NSMCE2: variants seen among roughly 807,000 people sequenced by gnomAD.
NSMCE2 encodes the protein NSE2 SUMO ligase component of SMC5/6 complex.
In NSMCE2, 24 loss-of-function variants were observed where a neutral mutation model predicts 23.8. The ratio of observed to expected loss-of-function variants is 1.01; its 90% CI spans 0.73 to 1.42. The LOEUF (loss-of-function observed/expected upper bound fraction) is 1.42. NSMCE2 is among the 40% of genes most tolerant of loss of function. The probability of loss-of-function intolerance (pLI) is 0.00; values close to 1 mark genes in which losing one functional copy is unlikely to be tolerated. For missense variants in NSMCE2, 284 were observed against 296.5 expected, an observed-to-expected ratio of 0.96 and a Z score of 0.31; for synonymous variants, 92 against 94.1, an observed-to-expected ratio of 0.98 and a Z score of 0.13.
intron 5 of NSMCE2, among the ~76,000 whole-genome samples, chr8:125,333,505 CTTTT>C (rs71295847): frequency 3.5e-4 from 16 of 45,628 alleles, no homozygotes; most frequent in East Asian, 1.5e-3. Flanking sequence ...CCTGGTGGTT[CTTTT>C]TTTTTTTTTT....
chr8:125,111,921 A>G (rs1434964142), intron 3 of NSMCE2, among the ~76,000 whole-genome samples: 2 of 152,138 alleles, frequency 1.3e-5, no homozygotes, highest in Non-Finnish European at 2.9e-5. Context: ...CTGTGTTGTG[A>G]TATATTTCTC....
chr8:125,346,111 C>T lies in NSMCE2; in HGVS notation c.419-11108C>T, dbSNP rs1440325213. Among the ~76,000 whole-genome samples the T allele has an allele frequency of 4.0e-5, 6 of 151,752 alleles. 1 individual carries two copies. The highest frequency in any genetic ancestry group is 2.6e-4 in the Admixed American group (4 of 15,250). On this transcript the variant is annotated intron_variant, in intron 5 of 7. Transcript: ENST00000287437. ...GGCAAAGGTTGCAGTGAGCCAAGAT[C>T]GCACCATTGCACTCCAGCCTGGGCT...
intron 5 of NSMCE2, among the ~76,000 whole-genome samples, chr8:125,276,808 T>C (rs1217046794): frequency 6.6e-6 from 1 of 152,242 alleles, no homozygotes; most frequent in Non-Finnish European, 1.5e-5. Context: ...ACTCTGCTAG[T>C]AAGTGGAAGA....
chr8:125,299,405 G>T (rs952257253), intron 5 of NSMCE2, among the ~76,000 whole-genome samples: 1 of 152,140 alleles, frequency 6.6e-6, no homozygotes, highest in African/African-American at 2.4e-5. Flanking sequence ...ATAGCAGAAG[G>T]TAAAGAGCAA....
chr8:125,150,674 G>A (rs1393786206), intron 3 of NSMCE2, among the ~76,000 whole-genome samples: 1 of 151,918 alleles, frequency 6.6e-6, no homozygotes, highest in African/African-American at 2.4e-5. Context: ...TAGTCACCAC[G>A]CCCGGCTGCT....
intron 5 of NSMCE2, among the ~76,000 whole-genome samples, chr8:125,340,107 C>T (rs1044884260): frequency 1.3e-5 from 2 of 150,364 alleles, no homozygotes; most frequent in Non-Finnish European, 3.0e-5. Flanking sequence ...CTCCGCCTCC[C>T]GGGTTCACGC....
chr8:125,100,752 G>C (rs948187402), intron 1 of NSMCE2, among the ~76,000 whole-genome samples: 2 of 152,022 alleles, frequency 1.3e-5, no homozygotes, highest in East Asian at 1.9e-4. Context: ...GTAGAGACAG[G>C]GTTTTGCCAT....
chr8:125,183,880 G>C (rs1054883267), intron 5 of NSMCE2, among the ~76,000 whole-genome samples: 2 of 151,712 alleles, frequency 1.3e-5, no homozygotes, highest in African/African-American at 2.4e-5. Context: ...TTTTTCAAAG[G>C]CATTCTCAGT....
intron 3 of NSMCE2, among the ~76,000 whole-genome samples, chr8:125,106,226 GACAA>G (rs1818451650): frequency 1.3e-5 from 2 of 152,112 alleles, no homozygotes; most frequent in Admixed American, 6.5e-5. Flanking sequence ...TTAGTGGGAA[GACAA>G]ACACATATTA....
chr8:125,109,174 G>A (rs1224939941), intron 3 of NSMCE2, among the ~76,000 whole-genome samples: 1 of 152,168 alleles, frequency 6.6e-6, no homozygotes, highest in Non-Finnish European at 1.5e-5. Flanking sequence ...ATAGATGATT[G>A]CTTGGGTTCT....
intron 3 of NSMCE2, among the ~76,000 whole-genome samples, chr8:125,132,709 A>G (rs1373412185): frequency 6.6e-6 from 1 of 152,078 alleles, no homozygotes; most frequent in Admixed American, 6.6e-5. Context: ...GGCCCAGGCT[A>G]GTCTTGAACT....
In NSMCE2 at chr8:125,102,341, G is replaced by C. The variant is rs140125530; in HGVS notation, c.11G>C (p.Arg4Pro). The C allele has an allele frequency of 6.2e-7, 1 of 1,613,296 alleles. No individual in the cohort carries two copies. The highest frequency in any genetic ancestry group is 1.3e-5 in the African/African-American group (1 of 75,020). The change falls in exon 3 of 8, where the codon CGT becomes CCT. Residue 4 changes from arginine to proline, a missense_variant. This residue lies in a region of NSMCE2 where 182 missense variants were observed against 155.5 expected (regional missense o/e 1.17). Transcript: ENST00000287437. The stretch of plus-strand genomic sequence containing the variant: ...GGTACTAATTTCAAGATGCCAGGAC[G>C]TTCCAGTTCAAATTCAGGTTCAACT... MPG[R>P]SSSNSGSTGF...
At chr8:125,274,397 TTTAA>T (rs1387771700) in intron 5 of NSMCE2, among the ~76,000 whole-genome samples, 15 of 152,328 alleles carry the variant, frequency 9.8e-5, no homozygotes, top group African/African-American at 3.6e-4. Context: ...TTTTAGTTCA[TTTAA>T]TTATTTTTAA....
intron 5 of NSMCE2, chr8:125,270,606 TG>T (rs1244583212): frequency 1.3e-5 from 2 of 152,312 alleles, no homozygotes; most frequent in Non-Finnish European, 2.9e-5. Flanking sequence ...TAGGCCTAGC[TG>T]GATGCAGTGG....
chr8:125,171,454 C>T (rs754322565), intron 4 of NSMCE2, among the ~76,000 whole-genome samples: 17 of 152,110 alleles, frequency 1.1e-4, no homozygotes, highest in Non-Finnish European at 2.2e-4. Flanking sequence ...GTAATTAGAC[C>T]GCTCCTCAGC....
chr8:125,218,844 G>T (rs192374304), intron 5 of NSMCE2, among the ~76,000 whole-genome samples: 1 of 152,024 alleles, frequency 6.6e-6, no homozygotes, highest in Non-Finnish European at 1.5e-5. Context: ...AATGGTTAAG[G>T]TGTTAAATTT....
intron 5 of NSMCE2, among the ~76,000 whole-genome samples, chr8:125,253,993 T>C (rs11991576): frequency 0.049 from 7,534 of 152,268 alleles, 260 homozygotes; most frequent in South Asian, 0.18. Flanking sequence ...TCAAAAGGCC[T>C]AGAAGATAAC....
At chr8:125,136,520 G>C (rs1413691962) in intron 3 of NSMCE2, among the ~76,000 whole-genome samples, 1 of 152,082 alleles carries the variant, frequency 6.6e-6, no homozygotes, top group African/African-American at 2.4e-5. Context: ...CCTGCATGTG[G>C]GATGTGATTG....
chr8:125,268,694 A>G (rs78992933), intron 5 of NSMCE2, among the ~76,000 whole-genome samples: 16,810 of 152,234 alleles, frequency 0.11, 1,084 homozygotes, highest in South Asian at 0.17. Context: ...ACATACACCC[A>G]TTGCCTAGAA....
Sources: allele counts gnomAD v4.1 joint callset (sites outside exome capture counted in the v4.1 genomes callset), GRCh38; gene constraint gnomAD v4.1.1; regional missense constraint gnomAD v4.1.1; transcripts MANE v1.5; gene names NCBI Gene and HGNC (gene_info 2026-07-23, HGNC 2026-07-21).